The following DYRK3 variants were observed in gnomAD, a reference collection of about 807,000 sequenced individuals.
DYRK3 encodes the protein dual specificity tyrosine phosphorylation regulated kinase 3.
DYRK3 carries 30 observed loss-of-function variants against 40.8 expected under a neutral mutation model. The observed-to-expected ratio is 0.74, with a 90% confidence interval of 0.55 to 1.00. DYRK3 has a LOEUF of 1.00. DYRK3 is among the 50% of genes least tolerant of loss of function. The pLI is 0.00. For missense variants in DYRK3, 699 were observed against 731.5 expected, an observed-to-expected ratio of 0.96 and a Z score of 0.51; for synonymous variants, 272 against 260.7, an observed-to-expected ratio of 1.04 and a Z score of -0.42.
chr1:206,647,316 C>T, intron 2 of DYRK3, 72 bp from the exon 3 acceptor site: 2 of 1,409,714 alleles, frequency 1.4e-6, no homozygotes, highest in Non-Finnish European at 1.9e-6. Context: ...TGTTGTTATT[C>T]AGTTGGAGGA....
At position 206,648,226 on chromosome 1, in the gene DYRK3, T is replaced by G; in HGVS notation, c.1028T>G (p.Leu343Arg). The change falls in exon 3 of 3, where the codon CTG becomes CGG. Residue 343 changes from leucine to arginine, a missense_variant. Leu to Arg is a moderately radical substitution (Grantham distance 102, BLOSUM62 -2). Coordinates refer to ENST00000367109, the MANE Select transcript of DYRK3 (RefSeq NM_003582.4). ...GATCTGAAGCCAGAAAACATTCTCC[T>G]GAAACACCACGGGCGCAGTTCAACC... ...HCDLKPENIL[L>R]KHHGRSSTKV... 1 of 1,614,202 alleles carries G rather than the reference T, an allele frequency of 6.2e-7. No individual in the cohort carries two copies. Among genetic ancestry groups the G allele is most frequent in the African/African-American group, 1.3e-5 (1 of 75,056 alleles).
rs778891382 is a variant in DYRK3, at chr1:206,649,750, A to G, written c.*785A>G. ...CCACAATTGACCCAGAGTGGTAAAG[A>G]TAGAGAATCAGCATGAAAACTGCAG... is the stretch of plus-strand genomic sequence containing the variant. On this transcript the variant is annotated 3_prime_UTR_variant, in exon 3 of 3. Transcript: ENST00000367109. Among the ~76,000 whole-genome samples the G allele has an allele frequency of 3.3e-5, 5 of 152,228 alleles. No individual in the cohort carries two copies. Among genetic ancestry groups the G allele is most frequent in the Admixed American group, 1.3e-4 (2 of 15,286 alleles).
chr1:206,644,339 C>G (rs1671388261), intron 2 of DYRK3, among the ~76,000 whole-genome samples: 4 of 151,682 alleles, frequency 2.6e-5, no homozygotes, highest in South Asian at 4.2e-4. Flanking sequence ...CTGGCTGGAC[C>G]TACAGCTTTT....
Position 206,648,836 on chromosome 1 carries a change from T to C in DYRK3, c.1638T>C (p.Ser546=), listed in dbSNP as rs782036572. 3.7e-6 allele frequency: 6 copies of C among 1,614,074 alleles called. No individual in the cohort carries two copies. Among genetic ancestry groups the C allele is most frequent in the Non-Finnish European group, 4.2e-6 (5 of 1,180,040 alleles). The change falls in exon 3 of 3, where the codon AGT becomes AGC. Residue 546 remains serine, a synonymous_variant. Transcript: ENST00000367109. ...GGAAACGGGTAGTTAATCCTGCAAG[T>C]GCTTTCCAGGGATTGGGTTCTAAGC... ...VSGKRVVNPA[S]AFQGLGSKLP...
At chr1:206,644,040 T>G (rs1410714802) in intron 2 of DYRK3, among the ~76,000 whole-genome samples, 2 of 143,040 alleles carry the variant, frequency 1.4e-5, no homozygotes, top group East Asian at 3.9e-4. Context: ...GCTTTTTTTT[T>G]TTTTTTTTTT....
chr1:206,638,989 C>T (rs988462774), intron 2 of DYRK3, among the ~76,000 whole-genome samples: 1 of 151,146 alleles, frequency 6.6e-6, no homozygotes, highest in Non-Finnish European at 1.5e-5. Context: ...AAGCAATTCT[C>T]CTGCCTCAGC....
Position 206,648,372 on chromosome 1 carries a change from A to G in DYRK3, c.1174A>G (p.Ile392Val), listed in dbSNP as rs201296219. 1.2e-6 allele frequency: 2 copies of G among 1,614,026 alleles called. No homozygotes were observed. The highest frequency in any genetic ancestry group is 8.5e-7 in the Non-Finnish European group (1 of 1,180,036). Residue 392 changes from isoleucine (I) to valine (V), a missense_variant, in exon 3 of 3, where the codon ATA becomes GTA. Ile to Val is a conservative substitution (Grantham distance 29, BLOSUM62 3). Transcript: ENST00000367109. ...LGSRYSTPID[I>V]WSFGCILAEL... ...AAGCCGCTACAGCACACCAATTGACATATGGAGTTTTGGCTGCATCCTTGC... is the reference window on the plus strand; with the variant it reads ...AAGCCGCTACAGCACACCAATTGACGTATGGAGTTTTGGCTGCATCCTTGC...
At position 206,648,799 on chromosome 1, in the gene DYRK3, A is replaced by G. The variant is rs1175213193; in HGVS notation, c.1601A>G (p.Asp534Gly). 10 of 1,614,210 alleles carry G rather than the reference A, an allele frequency of 6.2e-6. No homozygotes were observed. The highest frequency in any genetic ancestry group is 1.7e-5 in the Admixed American group (1 of 60,032). The change falls in exon 3 of 3, where the codon GAC becomes GGC. Residue 534 changes from aspartate (D) to glycine (G), a missense_variant. Asp to Gly is a moderately conservative substitution (Grantham distance 94). Coordinates refer to ENST00000367109, the MANE Select transcript of DYRK3 (RefSeq NM_003582.4). ...GTCCCCAGACCTCTCACCACCATAG[A>G]CAAGGTGTCAGGGAAACGGGTAGTT... ...KSVPRPLTTI[D>G]KVSGKRVVNP...
chr1:206,635,882 A>T (rs934105412), intron 1 of DYRK3, 102 bp downstream of exon 1: 22 of 1,261,514 alleles, frequency 1.7e-5, no homozygotes, highest in Non-Finnish European at 2.1e-5. Context: ...AGCCCTCAGT[A>T]GGAGGGACGA....
At position 206,636,125 on chromosome 1, in the gene DYRK3, G is replaced by A. The variant is rs782694135; in HGVS notation, c.77+345G>A. ...TTTATTAAAGGGGGGGAGCCCGGGAGCAATACCTTGGAAAGAAGCCCTGTT... is the reference window on the plus strand; with the variant it reads ...TTTATTAAAGGGGGGGAGCCCGGGAACAATACCTTGGAAAGAAGCCCTGTT... On this transcript the variant is annotated intron_variant, in intron 1 of 2. Coordinates refer to ENST00000367109, the MANE Select transcript of DYRK3 (RefSeq NM_003582.4). 2.3e-6 allele frequency: 3 copies of A among 1,288,474 alleles called. No homozygotes were observed. In the East Asian group the frequency reaches 1.0e-4, roughly 45 times the overall value. 79.8% of individuals were successfully genotyped at this position (1,288,474 alleles called of 1,614,324 possible).
At chr1:206,647,312 TATTC>T (rs1254753445) in intron 2 of DYRK3, 72 bp from the exon 3 acceptor site, 3 of 1,400,600 alleles carry the variant, frequency 2.1e-6, no homozygotes, top group African/African-American at 2.9e-5. Flanking sequence ...GTTTTGTTGT[TATTC>T]AGTTGGAGGA....
Position 206,648,237 on chromosome 1 carries a change from G to A in DYRK3, c.1039G>A (p.Gly347Arg), listed in dbSNP as rs1553420624. Reference sequence around the variant, plus strand: ...AGAAAACATTCTCCTGAAACACCACGGGCGCAGTTCAACCAAGGTCATTGA... The same window carrying A: ...AGAAAACATTCTCCTGAAACACCACAGGCGCAGTTCAACCAAGGTCATTGA... ...KPENILLKHH[G>R]RSSTKVIDFG... Residue 347 changes from glycine to arginine, a missense_variant, in exon 3 of 3, where the codon GGG becomes AGG. Coordinates refer to ENST00000367109, the MANE Select transcript of DYRK3 (RefSeq NM_003582.4). The A allele has an allele frequency of 1.2e-5, 20 of 1,614,010 alleles. No individual in the cohort carries two copies. The highest frequency in any genetic ancestry group is 6.7e-5 in the East Asian group (3 of 44,894).
Position 206,651,824 on chromosome 1 carries a change from T to C in DYRK3, c.*2859T>C, listed in dbSNP as rs565959580. Among the ~76,000 whole-genome samples the C allele has an allele frequency of 6.6e-5, 10 of 152,336 alleles. No homozygotes were observed. Among genetic ancestry groups the C allele is most frequent in the African/African-American group, 1.7e-4 (7 of 41,576 alleles). ...ATTTCTGCATGGGTTTCTCACTGAA[T>C]AGTAAATTAGAGAAAATGCTACTTT... On this transcript the variant is annotated 3_prime_UTR_variant, in exon 3 of 3. Coordinates refer to ENST00000367109, the MANE Select transcript of DYRK3 (RefSeq NM_003582.4).
chr1:206,638,165 C>T (rs1359972599), intron 2 of DYRK3, among the ~76,000 whole-genome samples: 4 of 150,828 alleles, frequency 2.7e-5, no homozygotes, highest in Admixed American at 2.0e-4. Flanking sequence ...GAAATGCAGT[C>T]TTCGTTTATT....
Position 206,652,418 on chromosome 1 carries a change from G to A in DYRK3, c.*3453G>A, listed in dbSNP as rs1341628443. On this transcript the variant is annotated 3_prime_UTR_variant, in exon 3 of 3. Transcript: ENST00000367109. ...GGGCCTGTGGCTGAGGTTGGTGCGT[G>A]CTCTATTTCTGTGTATCGAATGGAC... Among the ~76,000 whole-genome samples the A allele has an allele frequency of 6.6e-6, 1 of 152,180 alleles. No homozygotes were observed. The highest frequency in any genetic ancestry group is 2.4e-5 in the African/African-American group (1 of 41,426).
At chr1:206,644,527 C>G (rs944237045) in intron 2 of DYRK3, among the ~76,000 whole-genome samples, 3 of 152,166 alleles carry the variant, frequency 2.0e-5, no homozygotes, top group Admixed American at 1.3e-4. Flanking sequence ...CTAATTAAAA[C>G]CAAATAATTA....
Position 206,649,553 on chromosome 1 carries a change from T to C in DYRK3, c.*588T>C, listed in dbSNP as rs571744072. Among the ~76,000 whole-genome samples the C allele has an allele frequency of 2.0e-4, 30 of 152,368 alleles. No individual in the cohort carries two copies. The South Asian group carries it at 6.2e-3, about 32-fold the overall frequency. On this transcript the variant is annotated 3_prime_UTR_variant, in exon 3 of 3. Transcript: ENST00000367109. ...TCAGTTCTCTGATGTTTGGTGTTAT[T>C]ATTTTATGTTGTTATTTTGCCTCTG...
intron 2 of DYRK3, among the ~76,000 whole-genome samples, chr1:206,643,530 A>G (rs1426387454): frequency 2.0e-5 from 3 of 152,170 alleles, no homozygotes; most frequent in Non-Finnish European, 4.4e-5. Flanking sequence ...TACCTTTCCT[A>G]ACAGCTTGTC....
intron 2 of DYRK3, among the ~76,000 whole-genome samples, chr1:206,643,955 T>C (rs941719680): frequency 2.6e-5 from 4 of 151,524 alleles, no homozygotes; most frequent in African/African-American, 9.7e-5. Context: ...TCACACAACA[T>C]CCTGCAAGTA....
Sources: gnomAD v4.1 joint callset for allele counts (sites outside exome capture counted in the v4.1 genomes callset) on GRCh38, gnomAD v4.1.1 for gene constraint, MANE v1.5 for transcripts, NCBI Gene and HGNC (gene_info 2026-07-23, HGNC 2026-07-21) for gene names.